The following TDRD1 variants were observed in gnomAD, a reference collection of about 807,000 sequenced individuals.
TDRD1 encodes tudor domain containing 1, also known as tudor domain-containing protein 1.
TDRD1 carries 37 observed loss-of-function variants against 140.6 expected under a neutral mutation model. That is an observed-to-expected ratio of 0.26 (90% CI 0.20 to 0.35). The LOEUF (loss-of-function observed/expected upper bound fraction) is 0.35, where lower values mean the gene tolerates loss of function less well. Ranked by LOEUF, TDRD1 falls within the 10% of genes least tolerant of loss-of-function variation. The pLI is 1.00. For synonymous variants in TDRD1, 506 were observed against 475.7 expected, an observed-to-expected ratio of 1.06 and a Z score of -0.83; for missense variants, 1,243 against 1,393.0, an observed-to-expected ratio of 0.89 and a Z score of 1.71.
In TDRD1 at chr10:114,185,763, A is replaced by G. The variant is rs376662615; in HGVS notation, c.-6-2063A>G. On this transcript the variant is annotated intron_variant, in intron 1 of 25. Transcript: ENST00000251864. ...CCACCACGCCTGGCTAATTTTTTGT[A>G]TTTTTAGTAGAGACAGAGTTTCACC... Among the ~76,000 whole-genome samples the G allele has an allele frequency of 9.3e-5, 14 of 150,142 alleles. No homozygotes were observed. The South Asian group carries it at 2.7e-3, about 29-fold the overall frequency.
intron 14 of TDRD1, 95 bp from the exon 15 acceptor site, chr10:114,213,251 C>T: frequency 8.7e-7 from 1 of 1,150,210 alleles, no homozygotes; most frequent in Non-Finnish European, 1.2e-6. Context: ...CAGTGTTTGC[C>T]ATAGGTTTCT....
intron 8 of TDRD1, among the ~76,000 whole-genome samples, 187 bp from the exon 9 acceptor site, chr10:114,203,886 C>T (rs565896929): frequency 1.3e-5 from 2 of 152,222 alleles, no homozygotes; most frequent in East Asian, 1.9e-4. Flanking sequence ...TTATTAATAA[C>T]ATGTCCTAAC....
At chr10:114,220,541 C>A (rs2036076632) in intron 18 of TDRD1, 27 bp from the exon 19 acceptor site, 4 of 1,580,522 alleles carry the variant, frequency 2.5e-6, no homozygotes, top group Admixed American at 3.4e-5. Context: ...TCATAGGATT[C>A]TTTTTACTGC....
chr10:114,185,522 C>T (rs954003020), intron 1 of TDRD1, among the ~76,000 whole-genome samples: 2 of 151,904 alleles, frequency 1.3e-5, no homozygotes, highest in African/African-American at 4.8e-5. Flanking sequence ...AATATCTTCA[C>T]GTGTCTCAAT....
intron 25 of TDRD1, chr10:114,228,720 T>A: frequency 1.0e-6 from 1 of 985,390 alleles, no homozygotes; most frequent in Non-Finnish European, 1.2e-6. Context: ...ACCCCCATAT[T>A]TTAAATGTCT....
rs188409812 is a variant in TDRD1, at chr10:114,225,930, G to C, written c.3008-119G>C. On this transcript the variant is annotated intron_variant, in intron 21 of 25. Transcript: ENST00000251864. ...TAAATGCTTGTATTTAATTTGAACT[G>C]TAACCAGAAATTTTGGCATGGATTT... 6.5e-4 allele frequency: 539 copies of C among 826,786 alleles called. 3 individuals are homozygous for C. In the African/African-American group the frequency reaches 8.0e-3, roughly 12 times the overall value. 51.2% of individuals were successfully genotyped at this position (826,786 alleles called of 1,614,324 possible). A position where few individuals can be genotyped will look rare whatever the true frequency, so the allele number is the denominator to read the frequency against.
chr10:114,198,422 C>G (rs943776919), intron 3 of TDRD1, among the ~76,000 whole-genome samples: 2 of 152,128 alleles, frequency 1.3e-5, no homozygotes, highest in Non-Finnish European at 2.9e-5. Context: ...AGTGCTGGCA[C>G]CCTATTCGCT....
intron 3 of TDRD1, among the ~76,000 whole-genome samples, chr10:114,194,723 GT>G (rs1013007476): frequency 1.4e-5 from 2 of 144,578 alleles, no homozygotes; most frequent in African/African-American, 5.1e-5. Context: ...TTGTTTGGGG[GT>G]TTTTTTGTTT....
chr10:114,215,826 T>A (rs74856597), intron 16 of TDRD1, among the ~76,000 whole-genome samples: 1,605 of 152,262 alleles, frequency 0.011, 19 homozygotes, highest in African/African-American at 0.037. Context: ...TTCAAAAGTG[T>A]ATATAGTGCA....
chr10:114,196,833 CTTTTTTTT>C (rs36124319), intron 3 of TDRD1, among the ~76,000 whole-genome samples: 25 of 48,348 alleles, frequency 5.2e-4, no homozygotes, highest in South Asian at 2.6e-3. Context: ...TTCTAGCAGT[CTTTTTTTT>C]TTTTTTTTTT....
intron 25 of TDRD1, chr10:114,228,208 A>G: frequency 2.0e-6 from 3 of 1,476,598 alleles, no homozygotes; most frequent in Non-Finnish European, 2.7e-6. Context: ...GGATAGAGCT[A>G]ATGGAGTGAA....
exon 7 of TDRD1, chr10:114,203,092 T>G (rs2034868013): frequency 1.2e-6 from 2 of 1,613,364 alleles, no homozygotes; most frequent in South Asian, 2.2e-5. Flanking sequence ...CACTTGGAGT[T>G]ACTAAGGAAA....
intron 23 of TDRD1, 135 bp from the exon 24 acceptor site, chr10:114,227,775 C>A: frequency 1.5e-6 from 1 of 669,500 alleles, no homozygotes; most frequent in Non-Finnish European, 2.6e-6. Flanking sequence ...TCTCAAAGCC[C>A]AAATGGATCC....
At position 114,213,265 on chromosome 10, in the gene TDRD1, G is replaced by A; in HGVS notation, c.1832-81G>A. ...CCAGTGTTTGCCATAGGTTTCTTAA[G>A]TTTACCTTGGGGGAAATTAGGAGCT... On this transcript the variant is annotated intron_variant, in intron 14 of 25. Coordinates refer to ENST00000251864, the Ensembl canonical transcript of TDRD1. 4 of 1,383,286 alleles carry A rather than the reference G, an allele frequency of 2.9e-6. No homozygotes were observed. In the South Asian group the frequency reaches 4.1e-5, roughly 14 times the overall value. 85.7% of individuals were successfully genotyped at this position (1,383,286 alleles called of 1,614,324 possible). A position where few individuals can be genotyped will look rare whatever the true frequency, so the allele number is the denominator to read the frequency against.
chr10:114,203,258 G>T, intron 7 of TDRD1, 82 bp downstream of exon 7: 7 of 1,477,240 alleles, frequency 4.7e-6, no homozygotes, highest in Non-Finnish European at 5.6e-6. Context: ...AGTTCATGCG[G>T]TAGCTACAAA....
exon 8 of TDRD1, chr10:114,203,436 T>C (rs927018732): frequency 4.3e-6 from 7 of 1,613,698 alleles, no homozygotes; most frequent in African/African-American, 1.3e-5. Flanking sequence ...CGTGCAGTTA[T>C]ATTCTTCAGA....
At chr10:114,224,673 C>G (rs1035298874) in intron 21 of TDRD1, among the ~76,000 whole-genome samples, 2 of 152,038 alleles carry the variant, frequency 1.3e-5, no homozygotes, top group Admixed American at 1.3e-4. Context: ...ATTTCAATAG[C>G]TTTTTTTGTT....
chr10:114,178,471 G>A (rs2032774362), upstream of TDRD1, among the ~76,000 whole-genome samples: 1 of 152,146 alleles, frequency 6.6e-6, no homozygotes, highest in Non-Finnish European at 1.5e-5. Context: ...CATTAATCTT[G>A]TCCGTTAGGT....
At chr10:114,205,698 G>T (rs748351006) in intron 10 of TDRD1, among the ~76,000 whole-genome samples, 4 of 152,184 alleles carry the variant, frequency 2.6e-5, no homozygotes, top group Non-Finnish European at 5.9e-5. Flanking sequence ...AGGGTAGAAT[G>T]GTTACCAGAG....
Sources: gnomAD v4.1 joint callset for allele counts (sites outside exome capture counted in the v4.1 genomes callset) on GRCh38, gnomAD v4.1.1 for gene constraint, MANE v1.5 for transcripts, NCBI Gene and HGNC (gene_info 2026-07-23, HGNC 2026-07-21) for gene names.